JHY: variants seen among roughly 807,000 people sequenced by gnomAD.
The protein encoded by JHY is jhy protein homolog.
A neutral mutation model predicts 78.0 loss-of-function variants in JHY; 69 were observed. The ratio of observed to expected loss-of-function variants is 0.88; its 90% CI spans 0.73 to 1.08. The LOEUF (loss-of-function observed/expected upper bound fraction) is 1.08, where lower values mean the gene tolerates loss of function less well. Among genes scored for constraint, JHY ranks in the 50% least tolerant of loss-of-function variants. JHY has a pLI of 0.00. For synonymous variants in JHY, 368 were observed against 342.6 expected (o/e 1.07, Z -0.82); for missense variants, 944 against 927.8 (o/e 1.02, Z -0.23).
intron 2 of JHY, among the ~76,000 whole-genome samples, chr11:122,892,660 C>T (rs12276257): frequency 2.2e-3 from 341 of 152,228 alleles, no homozygotes; most frequent in African/African-American, 7.9e-3. Flanking sequence ...AATTGTTTCT[C>T]TCAGATGCTT....
chr11:122,936,751 G>C (rs1311858928), intron 5 of JHY, among the ~76,000 whole-genome samples: 1 of 152,130 alleles, frequency 6.6e-6, no homozygotes, highest in Non-Finnish European at 1.5e-5. Flanking sequence ...TTGATTTGAT[G>C]TGTTAACACT....
intron 3 of JHY, among the ~76,000 whole-genome samples, chr11:122,918,086 A>C (rs1863270878): frequency 2.0e-5 from 3 of 151,524 alleles, no homozygotes; most frequent in African/African-American, 7.3e-5. Flanking sequence ...TTTTTAGTAG[A>C]GACAGGGTTT....
chr11:122,883,326 C>T lies in JHY; in HGVS notation c.-90+354C>T, dbSNP rs796451134. Among the ~76,000 whole-genome samples the T allele has an allele frequency of 1.3e-5, 2 of 152,170 alleles. No individual in the cohort carries two copies. Among genetic ancestry groups the T allele is most frequent in the African/African-American group, 4.8e-5 (2 of 41,456 alleles). The stretch of plus-strand genomic sequence containing the variant: ...CAAGCAAAGGTAGAAAACCGAACGC[C>T]TCCCCTGGGCAGCTTCCGGCCTGTT... On this transcript the variant is annotated intron_variant, in intron 1 of 8. Coordinates refer to ENST00000227349, the MANE Select transcript of JHY (RefSeq NM_024806.4). The surrounding 1 kb of genome is among the most constrained non-coding windows in gnomAD (Gnocchi z 4.4).
At chr11:122,902,259 T>C (rs1320950796) in intron 2 of JHY, among the ~76,000 whole-genome samples, 1 of 151,226 alleles carries the variant, frequency 6.6e-6, no homozygotes, top group East Asian at 2.0e-4. Flanking sequence ...GAGGTCAAGA[T>C]CAGCCTGGCC....
intron 2 of JHY, among the ~76,000 whole-genome samples, chr11:122,888,640 A>T (rs1258800791): frequency 1.3e-5 from 2 of 152,110 alleles, no homozygotes; most frequent in Non-Finnish European, 2.9e-5. Flanking sequence ...TATTTTTAAA[A>T]TTCATAGTGT....
chr11:122,957,312 AG>A, intron 7 of JHY, 50 bp from the exon 8 acceptor site: 1 of 1,488,902 alleles, frequency 6.7e-7, no homozygotes, highest in Non-Finnish European at 8.8e-7. Flanking sequence ...AATAGAGAGC[AG>A]AGAGAACTAG....
chr11:122,957,992 G>A (rs1864228175), intron 8 of JHY, among the ~76,000 whole-genome samples: 2 of 152,090 alleles, frequency 1.3e-5, no homozygotes, highest in Admixed American at 6.5e-5. Context: ...CATTAAATAA[G>A]CTTTAAGGCA....
At chr11:122,918,290 A>G (rs935376485) in intron 3 of JHY, among the ~76,000 whole-genome samples, 3 of 151,570 alleles carry the variant, frequency 2.0e-5, no homozygotes, top group Admixed American at 2.0e-4. Context: ...CAAAAATCCC[A>G]GGCCTCCTGA....
At chr11:122,948,397 T>C (rs1185686698) in intron 6 of JHY, among the ~76,000 whole-genome samples, 2 of 151,170 alleles carry the variant, frequency 1.3e-5, no homozygotes, top group African/African-American at 4.9e-5. Context: ...GAGTCGAGAT[T>C]GCACCATTTC....
At chr11:122,928,025 C>T (rs1441695778) in intron 4 of JHY, among the ~76,000 whole-genome samples, 1 of 152,186 alleles carries the variant, frequency 6.6e-6, no homozygotes, top group Non-Finnish European at 1.5e-5. Context: ...GCCACTGTGC[C>T]TGTGTTTCTT....
At chr11:122,946,261 T>G (rs926900764) in intron 5 of JHY, among the ~76,000 whole-genome samples, 1 of 151,786 alleles carries the variant, frequency 6.6e-6, no homozygotes, top group African/African-American at 2.4e-5. Context: ...TTTTTTCTAT[T>G]CTGAATGCAC....
chr11:122,939,320 T>C (rs1288185766), intron 5 of JHY, among the ~76,000 whole-genome samples: 2 of 152,116 alleles, frequency 1.3e-5, no homozygotes, highest in Non-Finnish European at 2.9e-5. Context: ...CAACCAAATC[T>C]TTTTTAAGTA....
At position 122,935,070 on chromosome 11, in the gene JHY, G is replaced by A. The variant is rs1179947892; in HGVS notation, c.1629G>A (p.Met543Ile). The A allele has an allele frequency of 6.4e-7, 1 of 1,562,844 alleles. No homozygotes were observed. The highest frequency in any genetic ancestry group is 8.6e-7 in the Non-Finnish European group (1 of 1,158,042). The change falls in exon 5 of 9, where the codon ATG becomes ATA. Residue 543 changes from methionine to isoleucine, a missense_variant. Physicochemically the swap from Met to Ile is conservative, Grantham distance 10. Coordinates refer to ENST00000227349, the MANE Select transcript of JHY (RefSeq NM_024806.4). The surrounding 1 kb of genome is among the most constrained non-coding windows in gnomAD (Gnocchi z 4.5). ...YTETKYRNLEMLWKFHSSSDS... is the reference protein window; with the variant it reads ...YTETKYRNLEILWKFHSSSDS... ...AGACAAAATACAGGAACTTAGAAAT[G>A]TTATGGTAAGAATTCCCTTTTCTCA...
At chr11:122,932,090 G>A (rs1282087383) in intron 4 of JHY, among the ~76,000 whole-genome samples, 1 of 152,216 alleles carries the variant, frequency 6.6e-6, no homozygotes, top group Non-Finnish European at 1.5e-5. Flanking sequence ...AGTGCTGATG[G>A]AGATTAAATC....
At chr11:122,912,851 T>A (rs1041340530) in intron 3 of JHY, among the ~76,000 whole-genome samples, 31 of 152,080 alleles carry the variant, frequency 2.0e-4, no homozygotes, top group Non-Finnish European at 3.4e-4. Flanking sequence ...ATCATATATA[T>A]ATATTTCTGC....
At chr11:122,929,315 A>G (rs915103432) in intron 4 of JHY, among the ~76,000 whole-genome samples, 1 of 151,586 alleles carries the variant, frequency 6.6e-6, no homozygotes, top group Non-Finnish European at 1.5e-5. Flanking sequence ...TGTAATCATT[A>G]TAATGCAGTA....
At position 122,946,972 on chromosome 11, in the gene JHY, C is replaced by G. The variant is rs546942629; in HGVS notation, c.1929+180C>G. ...TGCTACTCCCTGGGGTTTCCCTCCC[C>G]TTCTTAATAGAAGTTGTTGCTGCCA... On this transcript the variant is annotated intron_variant, in intron 6 of 8. Coordinates refer to ENST00000227349, the MANE Select transcript of JHY (RefSeq NM_024806.4). 2.2e-4 allele frequency: 137 copies of G among 625,902 alleles called. 2 individuals carry two copies. The East Asian group carries it at 4.1e-3, about 19-fold the overall frequency. 38.8% of individuals were successfully genotyped at this position (625,902 alleles called of 1,614,324 possible).
chr11:122,915,698 A>G (rs1436062219), intron 3 of JHY, among the ~76,000 whole-genome samples: 3 of 151,956 alleles, frequency 2.0e-5, no homozygotes, highest in Non-Finnish European at 4.4e-5. Context: ...TTTTTAGTAG[A>G]GGCAGGGGTT....
intron 3 of JHY, among the ~76,000 whole-genome samples, chr11:122,909,215 T>G (rs1863059698): frequency 6.6e-6 from 1 of 152,216 alleles, no homozygotes; most frequent in South Asian, 2.1e-4. Context: ...ATTCTTTAAG[T>G]TTAATGACCC....
Sources: gnomAD v4.1 joint callset for allele counts (sites outside exome capture counted in the v4.1 genomes callset) on GRCh38, gnomAD v4.1.1 for gene constraint, Gnocchi (gnomAD v3.1) non-coding constraint, MANE v1.5 for transcripts, NCBI Gene and HGNC (gene_info 2026-07-23, HGNC 2026-07-21) for gene names.